BTRC: variants seen among roughly 807,000 people sequenced by gnomAD.
The protein encoded by BTRC is beta-transducin repeat containing E3 ubiquitin protein ligase.
BTRC carries 42 observed loss-of-function variants against 85.5 expected under a neutral mutation model. That is an observed-to-expected ratio of 0.49 (90% CI 0.38 to 0.64). The LOEUF is 0.64. Ranked by LOEUF, BTRC falls within the 30% of genes least tolerant of loss-of-function variation. The pLI, the probability that BTRC is intolerant of heterozygous loss-of-function variation, is 0.00. For missense variants in BTRC, 594 were observed against 743.5 expected (o/e 0.80, Z 2.34); for synonymous variants, 255 against 263.3 (o/e 0.97, Z 0.30).
intron 2 of BTRC, among the ~76,000 whole-genome samples, chr10:101,457,698 G>GTT (rs1945116968): frequency 6.6e-6 from 1 of 152,096 alleles, no homozygotes. Flanking sequence ...AGTTTGCTTA[G>GTT]GGTTGGTTTA....
intron 2 of BTRC, among the ~76,000 whole-genome samples, chr10:101,459,756 AAT>A (rs1188592626): frequency 3.3e-5 from 5 of 152,152 alleles, no homozygotes; most frequent in African/African-American, 9.7e-5. Flanking sequence ...ACATTTTCAT[AAT>A]ACCCACCCAG....
intron 1 of BTRC, among the ~76,000 whole-genome samples, chr10:101,362,663 G>A (rs1942246684): frequency 6.6e-6 from 1 of 152,100 alleles, no homozygotes; most frequent in Admixed American, 6.6e-5. Flanking sequence ...CCAAAGTGCT[G>A]GGATTACAGG....
intron 6 of BTRC, among the ~76,000 whole-genome samples, chr10:101,526,534 C>CTT (rs1468546716): frequency 6.6e-6 from 1 of 152,232 alleles, no homozygotes; most frequent in African/African-American, 2.4e-5. Context: ...AATCCCAGCA[C>CTT]TTTCGGAGGC....
At chr10:101,356,169 A>ATTTTTTT (rs1942028111) in intron 1 of BTRC, among the ~76,000 whole-genome samples, 1 of 152,034 alleles carries the variant, frequency 6.6e-6, no homozygotes, top group African/African-American at 2.4e-5. Context: ...CGCCCATCTA[A>ATTTTTTT]TTTTTTATTT....
intron 4 of BTRC, among the ~76,000 whole-genome samples, chr10:101,510,197 G>A (rs1427639606): frequency 6.6e-5 from 10 of 151,112 alleles, no homozygotes; most frequent in Admixed American, 4.0e-4. Flanking sequence ...GAAAATAATC[G>A]GAAAAAGATC....
At chr10:101,424,662 C>T (rs1446797306) in intron 1 of BTRC, among the ~76,000 whole-genome samples, 1 of 152,138 alleles carries the variant, frequency 6.6e-6, no homozygotes, top group Non-Finnish European at 1.5e-5. Context: ...GGATCTGTGA[C>T]ATTACTCCAG....
chr10:101,399,877 C>T (rs1232020699), intron 1 of BTRC, among the ~76,000 whole-genome samples: 2 of 152,130 alleles, frequency 1.3e-5, no homozygotes, highest in African/African-American at 4.8e-5. Context: ...TTCACAATTT[C>T]TTGTCATATC....
intron 1 of BTRC, among the ~76,000 whole-genome samples, chr10:101,360,070 A>T (rs942964211): frequency 2.0e-5 from 3 of 152,008 alleles, no homozygotes; most frequent in African/African-American, 7.2e-5. Flanking sequence ...AAAAAACTTA[A>T]TTGAGACAGG....
intron 1 of BTRC, among the ~76,000 whole-genome samples, chr10:101,371,576 T>TC (rs1440666438): frequency 6.6e-6 from 1 of 152,246 alleles, no homozygotes; most frequent in Non-Finnish European, 1.5e-5. Context: ...TTACTTGATG[T>TC]CCTCAGGTTT....
chr10:101,510,290 C>T (rs1330228651), intron 4 of BTRC, among the ~76,000 whole-genome samples: 1 of 152,044 alleles, frequency 6.6e-6, no homozygotes, highest in African/African-American at 2.4e-5. Flanking sequence ...GGGTGGATCA[C>T]GAGGTCAGGA....
chr10:101,530,498 A>G (rs1231805634), intron 6 of BTRC, among the ~76,000 whole-genome samples: 1 of 149,658 alleles, frequency 6.7e-6, no homozygotes, highest in Non-Finnish European at 1.5e-5. Flanking sequence ...GTAAAAGGGA[A>G]AAAAAAAAAA....
At chr10:101,456,156 G>A (rs1033539222) in intron 2 of BTRC, among the ~76,000 whole-genome samples, 3 of 142,116 alleles carry the variant, frequency 2.1e-5, no homozygotes, top group Non-Finnish European at 1.6e-5. Context: ...GTGACAGAAC[G>A]AGACTCTGTT....
At chr10:101,464,917 G>T (rs919976944) in intron 3 of BTRC, among the ~76,000 whole-genome samples, 5 of 152,134 alleles carry the variant, frequency 3.3e-5, no homozygotes, top group African/African-American at 1.2e-4. Context: ...CTATCTTAGG[G>T]AAGAGTGATG....
chr10:101,436,050 GA>G (rs1589463888), intron 2 of BTRC, among the ~76,000 whole-genome samples: 1 of 152,226 alleles, frequency 6.6e-6, no homozygotes, highest in East Asian at 1.9e-4. Flanking sequence ...GGAAGATGCT[GA>G]AAAAAGTTGT....
At chr10:101,446,242 A>T (rs1029225606) in intron 2 of BTRC, among the ~76,000 whole-genome samples, 4 of 152,044 alleles carry the variant, frequency 2.6e-5, no homozygotes, top group African/African-American at 7.2e-5. Flanking sequence ...GTGGAAACGG[A>T]AAAATCCTAC....
At chr10:101,454,846 G>A (rs1279899370) in intron 2 of BTRC, among the ~76,000 whole-genome samples, 5 of 152,124 alleles carry the variant, frequency 3.3e-5, no homozygotes, top group Non-Finnish European at 7.4e-5. Flanking sequence ...AGACTATGAA[G>A]AAACTTGCTT....
chr10:101,354,523 TG>T, intron 1 of BTRC: 1 of 446,186 alleles, frequency 2.2e-6, no homozygotes, highest in South Asian at 3.5e-5. Context: ...GAAAGGGGCG[TG>T]GGGACTGTTA....
chr10:101,412,949 AATG>A (rs1473126759), intron 1 of BTRC, among the ~76,000 whole-genome samples: 3 of 152,230 alleles, frequency 2.0e-5, no homozygotes, highest in Non-Finnish European at 4.4e-5. Flanking sequence ...AGTAACAAAA[AATG>A]ATAACCCTTT....
chr10:101,368,439 T>C (rs1226544074), intron 1 of BTRC, among the ~76,000 whole-genome samples: 1 of 149,136 alleles, frequency 6.7e-6, no homozygotes, highest in African/African-American at 2.5e-5. Context: ...TAAGACACTT[T>C]AGTAGAACCT....
Sources: gnomAD v4.1 joint callset for allele counts (sites outside exome capture counted in the v4.1 genomes callset) on GRCh38, gnomAD v4.1.1 for gene constraint, MANE v1.5 for transcripts, NCBI Gene and HGNC (gene_info 2026-07-23, HGNC 2026-07-21) for gene names.